Variants in CDIN1 observed in about 807,000 individuals in gnomAD.
CDIN1 encodes CDAN1-interacting nuclease 1.
Under a neutral mutation model 45.3 loss-of-function variants are expected in CDIN1, and 33 were observed. The observed-to-expected ratio is 0.73, with a 90% CI of 0.55 to 0.97. The LOEUF (loss-of-function observed/expected upper bound fraction) is 0.97. Among genes scored for constraint, CDIN1 ranks in the 50% least tolerant of loss-of-function variants. The pLI is 0.00. For missense variants in CDIN1, 303 were observed against 339.4 expected (o/e 0.89, Z 0.84); for synonymous variants, 118 against 124.4 (o/e 0.95, Z 0.34).
intron 1 of CDIN1, among the ~76,000 whole-genome samples, chr15:36,582,575 A>T (rs1753375361): frequency 6.6e-6 from 1 of 152,186 alleles, no homozygotes; most frequent in South Asian, 2.1e-4. Flanking sequence ...TCCAAATGTG[A>T]ATACAGCGCA....
chr15:36,765,561 C>T (rs2053900243), intron 10 of CDIN1, among the ~76,000 whole-genome samples: 1 of 152,104 alleles, frequency 6.6e-6, no homozygotes, highest in South Asian at 2.1e-4. Context: ...CAATGTTTTT[C>T]CCATGTCTTT....
At chr15:36,639,027 A>G (rs939628163) in intron 1 of CDIN1, among the ~76,000 whole-genome samples, 18 of 152,104 alleles carry the variant, frequency 1.2e-4, no homozygotes, top group Non-Finnish European at 4.4e-5. Context: ...CTCTTCCTTC[A>G]TTTCCCCATC....
intron 8 of CDIN1, among the ~76,000 whole-genome samples, chr15:36,701,177 T>A (rs1246144490): frequency 6.8e-6 from 1 of 147,740 alleles, no homozygotes; most frequent in Non-Finnish European, 1.5e-5. Context: ...TAGATAGATA[T>A]GAGCATTTAA....
intron 10 of CDIN1, among the ~76,000 whole-genome samples, chr15:36,786,422 C>A (rs182597848): frequency 3.4e-4 from 52 of 152,276 alleles, no homozygotes; most frequent in Non-Finnish European, 1.0e-4. Context: ...TGTTTGTTCA[C>A]TGTGTGTATC....
At position 36,692,188 on chromosome 15, in the gene CDIN1, A is replaced by G. The variant is rs747502612; in HGVS notation, c.476+13A>G. On this transcript the variant is annotated intron_variant, in intron 7 of 10. Coordinates refer to ENST00000566621, the MANE Select transcript of CDIN1 (RefSeq NM_001321759.2). ...ACTGCATCAAGCAGTATCCTTTCCC[A>G]TAAAATTTTAGGTGCGCAATTGACG... 6.8e-6 allele frequency: 11 copies of G among 1,612,904 alleles called. No individual in the cohort carries two copies. The South Asian group carries it at 1.1e-4, about 16-fold the overall frequency.
chr15:36,798,025 CAAAAAAA>C (rs11307856), intron 10 of CDIN1, among the ~76,000 whole-genome samples: 94 of 93,572 alleles, frequency 1.0e-3, no homozygotes, highest in African/African-American at 2.8e-3. Flanking sequence ...GAGTTATTAG[CAAAAAAA>C]AAAAAAAAAA....
chr15:36,653,836 T>G (rs1262277873), intron 3 of CDIN1, among the ~76,000 whole-genome samples: 10 of 152,304 alleles, frequency 6.6e-5, no homozygotes, highest in Admixed American at 5.2e-4. Context: ...CTTTATATGG[T>G]AGGAGGTGAA....
rs1433189773 is a variant in CDIN1 at position 36,808,496 on chromosome 15, C to A, written c.*43C>A. On this transcript the variant is annotated 3_prime_UTR_variant, in exon 11 of 11. Transcript: ENST00000566621. ...GAGAAGCTGGGAGGAAAAGGTGAAT[C>A]CGGAAGCAATTTTACTTTCCTGCAC... 3 of 1,607,646 alleles carry A rather than the reference C, an allele frequency of 1.9e-6. No homozygotes were observed. Among genetic ancestry groups the A allele is most frequent in the Non-Finnish European group, 2.5e-6 (3 of 1,176,658 alleles).
chr15:36,797,983 A>G, intron 10 of CDIN1, among the ~76,000 whole-genome samples: 1 of 151,072 alleles, frequency 6.6e-6, no homozygotes. Context: ...CCATCTCAAA[A>G]AAAAAAAGAC....
chr15:36,697,219 G>C, intron 7 of CDIN1, 104 bp from the exon 8 acceptor site: 2 of 844,596 alleles, frequency 2.4e-6, no homozygotes, highest in Non-Finnish European at 4.0e-6. Flanking sequence ...CCTCCAAGAT[G>C]TGGACTAAGG....
intron 10 of CDIN1, among the ~76,000 whole-genome samples, chr15:36,719,061 TA>T (rs1160822576): frequency 2.3e-4 from 33 of 146,396 alleles, no homozygotes; most frequent in Admixed American, 3.4e-4. Flanking sequence ...CTGTTTCTAT[TA>T]AAAAAAAAAA....
intron 1 of CDIN1, among the ~76,000 whole-genome samples, chr15:36,616,487 G>A (rs2038897886): frequency 6.6e-6 from 1 of 151,836 alleles, no homozygotes; most frequent in African/African-American, 2.4e-5. Flanking sequence ...TCTTCATGTT[G>A]GTCAGGCTGG....
intron 10 of CDIN1, among the ~76,000 whole-genome samples, chr15:36,715,101 G>A (rs2043176599): frequency 6.6e-6 from 1 of 152,150 alleles, no homozygotes; most frequent in African/African-American, 2.4e-5. Flanking sequence ...GCCATTTCTT[G>A]TTCTGATGTT....
chr15:36,666,929 C>T (rs1404489357), intron 5 of CDIN1, among the ~76,000 whole-genome samples: 1 of 152,136 alleles, frequency 6.6e-6, no homozygotes, highest in Non-Finnish European at 1.5e-5. Context: ...TTCCTCATAA[C>T]AACTTTATAA....
At chr15:36,728,434 A>T (rs1206256823) in intron 10 of CDIN1, among the ~76,000 whole-genome samples, 1 of 152,142 alleles carries the variant, frequency 6.6e-6, no homozygotes, top group African/African-American at 2.4e-5. Context: ...TCAAATGAGC[A>T]GGGCCTTGTA....
At chr15:36,794,959 G>GA (rs2054753183) in intron 10 of CDIN1, among the ~76,000 whole-genome samples, 1 of 152,180 alleles carries the variant, frequency 6.6e-6, no homozygotes, top group Non-Finnish European at 1.5e-5. Context: ...CATAAAAAAA[G>GA]AATAAAGCCA....
At position 36,579,687 on chromosome 15, in the gene CDIN1, C is replaced by G. The variant is rs1366812991; in HGVS notation, c.-174C>G. 1.7e-6 allele frequency: 1 copy of G among 574,458 alleles called. No homozygotes were observed. The highest frequency in any genetic ancestry group is 3.1e-6 in the Non-Finnish European group (1 of 326,064). 35.6% of individuals were successfully genotyped at this position (574,458 alleles called of 1,614,324 possible). On this transcript the variant is annotated 5_prime_UTR_variant, in exon 1 of 11. Transcript: ENST00000566621. ...CGGTGGAGCCTGGGACCGGGCGAGT[C>G]TCCGCCCCGCTTTTGCAGCTAGGGG...
intron 10 of CDIN1, among the ~76,000 whole-genome samples, chr15:36,792,046 G>A (rs1319876725): frequency 6.6e-6 from 1 of 152,182 alleles, no homozygotes; most frequent in Non-Finnish European, 1.5e-5. Flanking sequence ...GCAATAGCTT[G>A]TCTTATGTCA....
intron 1 of CDIN1, among the ~76,000 whole-genome samples, chr15:36,596,323 G>T (rs1053996594): frequency 6.6e-6 from 1 of 152,104 alleles, no homozygotes; most frequent in Non-Finnish European, 1.5e-5. Flanking sequence ...AAATATTAGA[G>T]GGGGAATATT....
Sources: gnomAD v4.1 joint callset for allele counts (sites outside exome capture counted in the v4.1 genomes callset) on GRCh38, gnomAD v4.1.1 for gene constraint, MANE v1.5 for transcripts, NCBI Gene and HGNC (gene_info 2026-07-23, HGNC 2026-07-21) for gene names.